CNTN6: variants seen among roughly 807,000 people sequenced by gnomAD.
CNTN6 encodes contactin 6, also known as contactin-6.
In CNTN6, 137 loss-of-function variants were observed where a neutral mutation model predicts 122.8. That is an observed-to-expected ratio of 1.12 (90% CI 0.97 to 1.29). The LOEUF (loss-of-function observed/expected upper bound fraction) is 1.29, where lower values mean the gene tolerates loss of function less well. CNTN6 is among the 50% of genes most tolerant of loss of function. CNTN6 has a pLI of 0.00. For missense variants in CNTN6, 1,634 were observed against 1,223.4 expected, an observed-to-expected ratio of 1.34 and a Z score of -5.01; for synonymous variants, 570 against 426.0, an observed-to-expected ratio of 1.34 and a Z score of -4.16.
chr3:1,352,241 A>C, intron 11 of CNTN6, 83 bp from the exon 12 acceptor site: 5 of 1,254,678 alleles, frequency 4.0e-6, no homozygotes, highest in Non-Finnish European at 5.3e-6. Context: ...TGATTTTAGT[A>C]AAGTTTTAAA....
At chr3:1,232,754 A>G (rs973007349) in intron 4 of CNTN6, among the ~76,000 whole-genome samples, 1 of 152,224 alleles carries the variant, frequency 6.6e-6, no homozygotes, top group African/African-American at 2.4e-5. Flanking sequence ...AAATTGACCT[A>G]TAACAGAGTG....
At chr3:1,225,350 A>G (rs535050238) in intron 3 of CNTN6, among the ~76,000 whole-genome samples, 3 of 152,288 alleles carry the variant, frequency 2.0e-5, no homozygotes, top group African/African-American at 7.2e-5. Context: ...CCCCTGATCT[A>G]TATGTACAGT....
chr3:1,293,396 T>C (rs1313457916), intron 5 of CNTN6, among the ~76,000 whole-genome samples: 2 of 152,150 alleles, frequency 1.3e-5, no homozygotes, highest in South Asian at 2.1e-4. Flanking sequence ...TTTGTCTCTA[T>C]AGATCAGATT....
At chr3:1,175,643 G>A (rs903777310) in intron 2 of CNTN6, among the ~76,000 whole-genome samples, 2 of 152,184 alleles carry the variant, frequency 1.3e-5, no homozygotes, top group Non-Finnish European at 2.9e-5. Context: ...CAGTAGAGCA[G>A]GAGAGGCAAA....
chr3:1,108,104 T>A (rs1470215471), intron 1 of CNTN6, among the ~76,000 whole-genome samples: 2 of 152,232 alleles, frequency 1.3e-5, no homozygotes, highest in Middle Eastern at 3.4e-3. Context: ...TAAAAAAATT[T>A]AATCCATTTG....
rs572227740 is a variant in CNTN6 at position 1,369,956 on chromosome 3, A to G, written c.1493-2343A>G. 7.2e-5 allele frequency among the ~76,000 whole-genome samples: 11 copies of G among 152,196 alleles called. No homozygotes were observed. In the South Asian group the frequency reaches 1.0e-3, roughly 14 times the overall value. On this transcript the variant is annotated intron_variant, in intron 12 of 22. Coordinates refer to ENST00000446702, the MANE Select transcript of CNTN6 (RefSeq NM_001289080.2). ...ATTTTATTTCAGTCAATTAAATTAC[A>G]AAACAATACAAGCTTTTTAAATTCA...
chr3:1,401,225 G>A (rs926120785), intron 20 of CNTN6: 6 of 480,412 alleles, frequency 1.2e-5, no homozygotes, highest in Non-Finnish European at 2.2e-5. Context: ...TAATTCATAA[G>A]TCTGTCACAA....
chr3:1,250,631 A>G (rs1306555546), intron 4 of CNTN6, among the ~76,000 whole-genome samples: 1 of 152,114 alleles, frequency 6.6e-6, no homozygotes, highest in African/African-American at 2.4e-5. Context: ...ACCTTCATCT[A>G]CATAGAGCTC....
intron 7 of CNTN6, among the ~76,000 whole-genome samples, chr3:1,302,829 T>C (rs1697656177): frequency 6.6e-6 from 1 of 152,220 alleles, no homozygotes; most frequent in Non-Finnish European, 1.5e-5. Flanking sequence ...TATTCAGGCA[T>C]GATTACTTCA....
At chr3:1,101,685 G>T (rs2090905248) in intron 1 of CNTN6, among the ~76,000 whole-genome samples, 1 of 152,176 alleles carries the variant, frequency 6.6e-6, no homozygotes, top group Non-Finnish European at 1.5e-5. Context: ...AATGTCAATT[G>T]TATATGTCTT....
At chr3:1,355,661 G>A (rs1399150962) in intron 12 of CNTN6, among the ~76,000 whole-genome samples, 1 of 151,598 alleles carries the variant, frequency 6.6e-6, no homozygotes, top group Admixed American at 6.6e-5. Context: ...ATATAATTTT[G>A]TTTCTCAAGC....
chr3:1,095,981 G>A (rs984304108), intron 1 of CNTN6, among the ~76,000 whole-genome samples: 5 of 152,040 alleles, frequency 3.3e-5, no homozygotes, highest in Non-Finnish European at 7.4e-5. Context: ...TCAGTAAGTA[G>A]TACCTCTCCA....
At chr3:1,170,236 CAAAAAAA>C (rs10525769) in intron 2 of CNTN6, among the ~76,000 whole-genome samples, 10 of 107,454 alleles carry the variant, frequency 9.3e-5, no homozygotes, top group African/African-American at 3.1e-4. Context: ...GGCTCCATCT[CAAAAAAA>C]AAAAAAAAAA....
intron 4 of CNTN6, among the ~76,000 whole-genome samples, chr3:1,238,408 T>C (rs994603037): frequency 2.6e-5 from 4 of 152,180 alleles, no homozygotes; most frequent in East Asian, 1.9e-4. Context: ...TAAATATATA[T>C]GCACCTAACA....
chr3:1,394,597 T>G (rs769268335), intron 20 of CNTN6: 2 of 152,158 alleles, frequency 1.3e-5, no homozygotes, highest in Non-Finnish European at 2.9e-5. Flanking sequence ...TATATATATA[T>G]CAGAACATCT....
intron 2 of CNTN6, among the ~76,000 whole-genome samples, chr3:1,156,687 CCCTCCCTT>C (rs1432813492): frequency 1.3e-3 from 184 of 142,082 alleles, no homozygotes; most frequent in East Asian, 7.4e-3. Context: ...TCCTTTCCCT[CCCTCCCTT>C]CCTTCCTTCC....
At chr3:1,158,801 T>C (rs377229601) in intron 2 of CNTN6, among the ~76,000 whole-genome samples, 14 of 132,986 alleles carry the variant, frequency 1.1e-4, no homozygotes, top group East Asian at 2.4e-4. Flanking sequence ...TGTATATATA[T>C]ACACACATAT....
rs566205286 is a variant in CNTN6 at position 1,333,443 on chromosome 3, T to C, written c.1364+3508T>C. Reference sequence around the variant, plus strand: ...TAACTTCTACCATCTCATACCTCTGTTAAAACATGACACAGTTGTATATAT... The same window carrying C: ...TAACTTCTACCATCTCATACCTCTGCTAAAACATGACACAGTTGTATATAT... On this transcript the variant is annotated intron_variant, in intron 11 of 22. Coordinates refer to ENST00000446702, the MANE Select transcript of CNTN6 (RefSeq NM_001289080.2). Among the ~76,000 whole-genome samples, 14 of 152,166 alleles carry C rather than the reference T, an allele frequency of 9.2e-5. No homozygotes were observed. The South Asian group carries it at 2.5e-3, about 27-fold the overall frequency.
intron 4 of CNTN6, among the ~76,000 whole-genome samples, chr3:1,255,862 T>TTATTG (rs1231753958): frequency 1.3e-5 from 2 of 151,850 alleles, no homozygotes; most frequent in Non-Finnish European, 2.9e-5. Flanking sequence ...TTATTTTATT[T>TTATTG]TAGTTTTAGT....
Sources: gnomAD v4.1 joint callset for allele counts (sites outside exome capture counted in the v4.1 genomes callset) on GRCh38, gnomAD v4.1.1 for gene constraint, MANE v1.5 for transcripts, NCBI Gene and HGNC (gene_info 2026-07-23, HGNC 2026-07-21) for gene names.